Variants in ELAVL4 observed in about 807,000 individuals in gnomAD.
ELAVL4 encodes the protein ELAV-like protein 4.
Under a neutral mutation model 35.6 loss-of-function variants are expected in ELAVL4, and 1 was observed. The ratio of observed to expected loss-of-function variants is 0.03; its 90% CI spans 0.01 to 0.13. The LOEUF (loss-of-function observed/expected upper bound fraction) is 0.13. Ranked by LOEUF, ELAVL4 falls within the 10% of genes least tolerant of loss-of-function variation. The pLI is 1.00. For missense variants in ELAVL4, 267 were observed against 464.9 expected (o/e 0.57, Z 3.91); for synonymous variants, 156 against 171.0 (o/e 0.91, Z 0.69).
At chr1:50,164,209 G>A (rs535008703) in intron 2 of ELAVL4, among the ~76,000 whole-genome samples, 1 of 152,256 alleles carries the variant, frequency 6.6e-6, no homozygotes, top group Admixed American at 6.5e-5. Flanking sequence ...TGAGCATTGA[G>A]TCTAAAATAA....
At chr1:50,096,006 A>G (rs943495848) in intron 1 of ELAVL4, among the ~76,000 whole-genome samples, 5 of 152,296 alleles carry the variant, frequency 3.3e-5, no homozygotes, top group South Asian at 2.1e-4. Flanking sequence ...ACAGAAAAAA[A>G]TGATTTTGTG....
intron 1 of ELAVL4, among the ~76,000 whole-genome samples, chr1:50,116,500 A>C (rs967582): frequency 0.42 from 63,993 of 151,584 alleles, 14,221 homozygotes; most frequent in East Asian, 0.76. Flanking sequence ...AATGGCTTCT[A>C]AAGTACTCTG....
intron 1 of ELAVL4, among the ~76,000 whole-genome samples, chr1:50,114,427 G>A (rs954051385): frequency 6.6e-6 from 1 of 151,886 alleles, no homozygotes. Context: ...TAGGGGTAAA[G>A]GGCTTTTATA....
upstream of ELAVL4, chr1:50,104,047 C>T: frequency 6.2e-7 from 1 of 1,605,140 alleles, no homozygotes; most frequent in Non-Finnish European, 8.5e-7. Flanking sequence ...GGTAGACCGT[C>T]AATGGGTGGT....
At chr1:50,126,217 A>G (rs556848685) in intron 1 of ELAVL4, among the ~76,000 whole-genome samples, 2 of 152,284 alleles carry the variant, frequency 1.3e-5, no homozygotes, top group Non-Finnish European at 2.9e-5. Flanking sequence ...ATGTCATCTC[A>G]GAAAGGACTG....
chr1:50,064,086 G>A (rs1486713582), intron 1 of ELAVL4, among the ~76,000 whole-genome samples: 3 of 152,094 alleles, frequency 2.0e-5, no homozygotes, highest in Non-Finnish European at 4.4e-5. Context: ...GAGCAGCATG[G>A]GTGTGTAATA....
chr1:50,191,643 C>T (rs545035724), intron 3 of ELAVL4, among the ~76,000 whole-genome samples: 9 of 152,156 alleles, frequency 5.9e-5, no homozygotes, highest in South Asian at 2.1e-4. Context: ...AAGGTTGAAA[C>T]GGGTTAAGTA....
upstream of ELAVL4, chr1:50,106,336 G>A: frequency 1.9e-6 from 3 of 1,613,724 alleles, no homozygotes; most frequent in Admixed American, 1.7e-5. Flanking sequence ...TGACTGATAT[G>A]AGATTACTTC....
intron 1 of ELAVL4, among the ~76,000 whole-genome samples, chr1:50,058,527 A>G (rs1203715492): frequency 2.6e-5 from 4 of 152,214 alleles, no homozygotes; most frequent in Admixed American, 1.3e-4. Context: ...TGAAGATTAA[A>G]AAGTAAAAAT....
At chr1:50,083,730 C>T (rs1282200467) in intron 1 of ELAVL4, among the ~76,000 whole-genome samples, 2 of 152,102 alleles carry the variant, frequency 1.3e-5, no homozygotes, top group Non-Finnish European at 2.9e-5. Flanking sequence ...ATCTGAAAAT[C>T]AGTATTGAAA....
At chr1:50,128,307 T>C (rs1004781841) in intron 1 of ELAVL4, among the ~76,000 whole-genome samples, 3 of 152,100 alleles carry the variant, frequency 2.0e-5, no homozygotes, top group Non-Finnish European at 4.4e-5. Context: ...TTTAAAAGAA[T>C]GAATTCACTC....
chr1:50,066,188 G>C, intron 1 of ELAVL4, among the ~76,000 whole-genome samples: 1 of 152,052 alleles, frequency 6.6e-6, no homozygotes, highest in East Asian at 1.9e-4. Flanking sequence ...GAAACAAATC[G>C]TTGTATCATG....
intron 2 of ELAVL4, among the ~76,000 whole-genome samples, chr1:50,162,391 A>G (rs1167064202): frequency 6.6e-6 from 1 of 152,198 alleles, no homozygotes; most frequent in East Asian, 1.9e-4. Context: ...TCTATTGAGA[A>G]ATACATTCAG....
At chr1:50,177,885 G>A (rs1194590495) in intron 3 of ELAVL4, among the ~76,000 whole-genome samples, 1 of 152,200 alleles carries the variant, frequency 6.6e-6, no homozygotes, top group African/African-American at 2.4e-5. Context: ...ATCTCAGGAA[G>A]GGTTGTTTTA....
intron 2 of ELAVL4, chr1:50,174,401 A>G (rs1216477104): frequency 1.3e-5 from 2 of 151,830 alleles, no homozygotes; most frequent in Admixed American, 6.6e-5. Context: ...TCTGTTTTAG[A>G]GCTTGAAGTT....
At chr1:50,150,755 T>G (rs1674643201) in intron 2 of ELAVL4, among the ~76,000 whole-genome samples, 1 of 152,146 alleles carries the variant, frequency 6.6e-6, no homozygotes, top group South Asian at 2.1e-4. Context: ...CTCTGAAAAA[T>G]CCTAAGATAT....
intron 2 of ELAVL4, among the ~76,000 whole-genome samples, chr1:50,150,088 T>A (rs972086505): frequency 4.6e-5 from 7 of 152,184 alleles, no homozygotes; most frequent in Non-Finnish European, 8.8e-5. Context: ...AACAAAAGCA[T>A]TTTTTATTCC....
intron 1 of ELAVL4, among the ~76,000 whole-genome samples, chr1:50,124,949 C>T (rs1251299965): frequency 6.6e-6 from 1 of 151,916 alleles, no homozygotes; most frequent in African/African-American, 2.4e-5. Context: ...AATTTGTGTC[C>T]CATTCTTCAA....
intron 3 of ELAVL4, among the ~76,000 whole-genome samples, chr1:50,190,485 G>C (rs1454623563): frequency 6.6e-6 from 1 of 152,190 alleles, no homozygotes; most frequent in Non-Finnish European, 1.5e-5. Context: ...AGGTTTCATG[G>C]ACAGGAAACT....
Sources: gnomAD v4.1 joint callset for allele counts (sites outside exome capture counted in the v4.1 genomes callset) on GRCh38, gnomAD v4.1.1 for gene constraint, MANE v1.5 for transcripts, NCBI Gene and HGNC (gene_info 2026-07-23, HGNC 2026-07-21) for gene names.